Variants in ABCG8 observed in about 807,000 individuals in gnomAD.
ABCG8 encodes ATP-binding cassette sub-family G member 8.
A neutral mutation model predicts 71.3 loss-of-function variants in ABCG8; 81 were observed. The observed-to-expected ratio is 1.14, with a 90% CI of 0.95 to 1.37. The LOEUF (loss-of-function observed/expected upper bound fraction) is 1.37, where lower values mean the gene tolerates loss of function less well. Among genes scored for constraint, ABCG8 ranks in the 40% most tolerant of loss-of-function variants. The pLI, the probability that ABCG8 is intolerant of heterozygous loss-of-function variation, is 0.00. For synonymous variants in ABCG8, 451 were observed against 354.7 expected (o/e 1.27, Z -3.05); for missense variants, 1,119 against 866.2 (o/e 1.29, Z -3.66).
chr2:43,876,632 G>C (rs1174620892), intron 11 of ABCG8, among the ~76,000 whole-genome samples: 1 of 149,988 alleles, frequency 6.7e-6, no homozygotes, highest in Non-Finnish European at 1.5e-5. Flanking sequence ...AGAATATGGG[G>C]AGACCGTGAG....
chr2:43,874,518 C>A (rs745743244), intron 10 of ABCG8, 35 bp downstream of exon 10: 2 of 1,442,926 alleles, frequency 1.4e-6, no homozygotes, highest in Middle Eastern at 1.7e-4. Context: ...GTGCCCCCCA[C>A]CCACCAGGGT....
At chr2:43,856,794 A>G (rs1418073699) in intron 6 of ABCG8, among the ~76,000 whole-genome samples, 1 of 151,508 alleles carries the variant, frequency 6.6e-6, no homozygotes, top group Non-Finnish European at 1.5e-5. Flanking sequence ...CTCACTATCT[A>G]TCTGGATAGA....
intron 10 of ABCG8, 150 bp downstream of exon 10, chr2:43,874,633 G>A: frequency 1.4e-6 from 1 of 725,158 alleles, no homozygotes; most frequent in Non-Finnish European, 2.5e-6. Context: ...CATTTTCTAG[G>A]GGAGTTTCAG....
At chr2:43,847,984 C>G (rs1668798921) in intron 3 of ABCG8, 1 of 151,814 alleles carries the variant, frequency 6.6e-6, no homozygotes, top group Non-Finnish European at 1.5e-5. Context: ...AGGCTGATCT[C>G]CAACTCCTGG....
intron 11 of ABCG8, among the ~76,000 whole-genome samples, chr2:43,876,873 G>C (rs571594716): frequency 6.7e-6 from 1 of 149,646 alleles, no homozygotes; most frequent in Non-Finnish European, 1.5e-5. Flanking sequence ...GAGATTGTGC[G>C]AATATGGGGA....
chr2:43,872,098 G>C lies in ABCG8; in HGVS notation c.1087G>C (p.Ala363Pro), dbSNP rs770886402. The change falls in exon 7 of 13, where the codon GCA (alanine) becomes CCA (proline). Residue 363 changes from alanine (A) to proline (P), a missense_variant. Ala to Pro is a conservative substitution (Grantham distance 27, BLOSUM62 -1). Transcript: ENST00000272286. Reference sequence around the variant, plus strand: ...TGACTTAGATGACTTTCTATGGAAAGCAGAGACGAAGGATCTTGACGAGGA... The same window carrying C: ...TGACTTAGATGACTTTCTATGGAAACCAGAGACGAAGGATCTTGACGAGGA... Reference protein sequence around the residue: ...VRDLDDFLWKAETKDLDEDTC... With the variant: ...VRDLDDFLWKPETKDLDEDTC... 23 of 1,614,032 alleles carry C rather than the reference G, an allele frequency of 1.4e-5. No homozygotes were observed. Among genetic ancestry groups the C allele is most frequent in the Non-Finnish European group, 1.4e-5 (17 of 1,180,046 alleles).
At chr2:43,865,317 T>C (rs1393361355) in intron 6 of ABCG8, among the ~76,000 whole-genome samples, 1 of 139,838 alleles carries the variant, frequency 7.2e-6, no homozygotes, top group Non-Finnish European at 1.6e-5. Context: ...CATAGAACTG[T>C]CACTATCTAT....
At position 43,852,612 on chromosome 2, in the gene ABCG8, C is replaced by G. The variant is rs776120910; in HGVS notation, c.708C>G (p.Leu236=). 1.2e-6 allele frequency: 2 copies of G among 1,614,020 alleles called. No individual in the cohort carries two copies. The highest frequency in any genetic ancestry group is 1.7e-6 in the Non-Finnish European group (2 of 1,180,024). Residue 236 remains leucine, a synonymous_variant, in exon 6 of 13, where the codon CTC becomes CTG. Transcript: ENST00000272286. ...QLLWNPGILI[L]DEPTSGLDSF... is the part of the protein sequence containing the mutation. ...TGTGTTGGAAAGGAATCCTTATTCT[C>G]GACGAACCCACCTCTGGGCTCGACA...
intron 8 of ABCG8, among the ~76,000 whole-genome samples, chr2:43,872,986 C>T (rs372044666): frequency 3.0e-4 from 45 of 152,130 alleles, no homozygotes; most frequent in South Asian, 8.3e-4. Flanking sequence ...GTAAACGTAG[C>T]GGGATCATAC....
At chr2:43,869,928 T>G (rs1432421547) in intron 6 of ABCG8, among the ~76,000 whole-genome samples, 1 of 152,116 alleles carries the variant, frequency 6.6e-6, no homozygotes, top group Non-Finnish European at 1.5e-5. Context: ...TTTCACCATC[T>G]GGATGGAATT....
rs1348912489 is a variant in ABCG8 at position 43,881,773 on chromosome 2, A to G, written c.*3860A>G. 2 of 151,372 alleles carry G rather than the reference A, an allele frequency of 1.3e-5. No individual in the cohort carries two copies. Among genetic ancestry groups the G allele is most frequent in the African/African-American group, 4.9e-5 (2 of 41,168 alleles). The allele number at this position is 151,372 out of a possible 1,614,324, so 9.4% of individuals were successfully genotyped here. A position where few individuals can be genotyped will look rare whatever the true frequency, so the allele number is the denominator to read the frequency against. On this transcript the variant is annotated 3_prime_UTR_variant, in exon 13 of 13. Coordinates refer to ENST00000272286, the MANE Select transcript of ABCG8 (RefSeq NM_022437.3). ...TGCTGTTCAGCGAGCCCTGCCCTGC[A>G]TTGCGAAAGGGTAGAGATTTGTTTA...
At chr2:43,855,126 C>T (rs1345815863) in intron 6 of ABCG8, among the ~76,000 whole-genome samples, 1 of 152,246 alleles carries the variant, frequency 6.6e-6, no homozygotes, top group Non-Finnish European at 1.5e-5. Flanking sequence ...AGAACTCTCA[C>T]AATCTGGATA....
intron 2 of ABCG8, 65 bp downstream of exon 2, chr2:43,844,673 G>A: frequency 7.5e-7 from 1 of 1,326,472 alleles, no homozygotes; most frequent in Non-Finnish European, 1.1e-6. Flanking sequence ...TTCCCCGGGT[G>A]GAAATAAAAG....
At chr2:43,857,360 T>C (rs1669148935) in intron 6 of ABCG8, among the ~76,000 whole-genome samples, 1 of 151,734 alleles carries the variant, frequency 6.6e-6, no homozygotes, top group Admixed American at 6.6e-5. Flanking sequence ...TATTCCTCGA[T>C]AGAACTCTGA....
chr2:43,877,975 C>A lies in ABCG8; in HGVS notation c.*62C>A. ...AGCAGACCCTTCAACTGCACTCCCT[C>A]CTCAGGAGCCCCTTCCTGGGGACAG... On this transcript the variant is annotated 3_prime_UTR_variant, in exon 13 of 13. Transcript: ENST00000272286. 6.2e-7 allele frequency: 1 copy of A among 1,611,186 alleles called. No homozygotes were observed. The highest frequency in any genetic ancestry group is 1.7e-5 in the Admixed American group (1 of 59,884).
intron 3 of ABCG8, among the ~76,000 whole-genome samples, chr2:43,850,506 G>C (rs893395576): frequency 6.6e-6 from 1 of 152,120 alleles, no homozygotes; most frequent in African/African-American, 2.4e-5. Flanking sequence ...TTGTTATATA[G>C]GTAAACTAGT....
At chr2:43,870,745 A>T (rs557260560) in intron 6 of ABCG8, among the ~76,000 whole-genome samples, 1 of 151,980 alleles carries the variant, frequency 6.6e-6, no homozygotes, top group South Asian at 2.1e-4. Flanking sequence ...CACTCTTTGG[A>T]TAGAACTCTC....
intron 6 of ABCG8, among the ~76,000 whole-genome samples, chr2:43,866,624 T>G (rs1669540851): frequency 1.3e-5 from 2 of 151,928 alleles, no homozygotes; most frequent in Non-Finnish European, 2.9e-5. Context: ...ATCAGAGAAA[T>G]GCAAATCAAA....
At chr2:43,869,416 T>A (rs902205113) in intron 6 of ABCG8, among the ~76,000 whole-genome samples, 1 of 152,142 alleles carries the variant, frequency 6.6e-6, no homozygotes, top group Non-Finnish European at 1.5e-5. Context: ...TCTATCTGAA[T>A]AGATTTCTCA....
Sources: allele counts gnomAD v4.1 joint callset (sites outside exome capture counted in the v4.1 genomes callset), GRCh38; gene constraint gnomAD v4.1.1; transcripts MANE v1.5; gene names NCBI Gene and HGNC (gene_info 2026-07-23, HGNC 2026-07-21).